Variants in MDM4 observed in about 807,000 individuals in gnomAD.
MDM4 encodes the protein MDM4 regulator of p53, also known as protein Mdm4.
A neutral mutation model predicts 60.2 loss-of-function variants in MDM4; 2 were observed. The observed-to-expected ratio is 0.03, with a 90% confidence interval of 0.01 to 0.10. The LOEUF (loss-of-function observed/expected upper bound fraction) is 0.10, where lower values mean the gene tolerates loss of function less well. Among genes scored for constraint, MDM4 ranks in the 10% least tolerant of loss-of-function variants. The probability of loss-of-function intolerance (pLI) is 1.00; values close to 1 mark genes in which losing one functional copy is unlikely to be tolerated. For missense variants in MDM4, 447 were observed against 577.5 expected (o/e 0.77, Z 2.32); for synonymous variants, 202 against 198.1 (o/e 1.02, Z -0.17).
At chr1:204,528,860 T>C in intron 3 of MDM4, 1 of 1,567,236 alleles carries the variant, frequency 6.4e-7, no homozygotes, top group South Asian at 1.1e-5. Context: ...GCATCCGAGC[T>C]GTCATGGTGA....
chr1:204,532,450 C>A, intron 5 of MDM4: 2 of 570,040 alleles, frequency 3.5e-6, no homozygotes, highest in East Asian at 5.9e-5. Context: ...TTTCCACTTT[C>A]TAGACGTACT....
At chr1:204,541,298 A>G in intron 7 of MDM4, among the ~76,000 whole-genome samples, 1 of 152,100 alleles carries the variant, frequency 6.6e-6, no homozygotes, top group African/African-American at 2.4e-5. Context: ...GTCTCTACAA[A>G]AAATCAGCCC....
intron 3 of MDM4, chr1:204,529,203 CT>C: frequency 1.3e-6 from 1 of 753,606 alleles, no homozygotes; most frequent in Non-Finnish European, 2.4e-6. Context: ...CTGATTAGGT[CT>C]TGTCAAACAT....
chr1:204,532,859 T>C, intron 5 of MDM4: 2 of 1,592,026 alleles, frequency 1.3e-6, no homozygotes, highest in Non-Finnish European at 1.7e-6. Context: ...CTTTACCCTC[T>C]CTATTTTTGG....
intron 5 of MDM4, chr1:204,536,893 C>G (rs1312129025): frequency 2.6e-6 from 1 of 379,754 alleles, no homozygotes; most frequent in Non-Finnish European, 5.1e-6. Context: ...GGAATTTAAA[C>G]CATAAAATTA....
intron 7 of MDM4, among the ~76,000 whole-genome samples, chr1:204,539,430 C>T (rs1661788983): frequency 6.6e-6 from 1 of 151,516 alleles, no homozygotes; most frequent in Admixed American, 6.6e-5. Context: ...TTGTAATGCT[C>T]TTTTAGCAAC....
intron 1 of MDM4, among the ~76,000 whole-genome samples, chr1:204,520,277 C>CAAAAA (rs35340106): frequency 4.6e-5 from 3 of 65,474 alleles, no homozygotes; most frequent in Non-Finnish European, 3.4e-5. Context: ...GACTCCATCT[C>CAAAAA]AAAAAAAAAA....
intron 5 of MDM4, among the ~76,000 whole-genome samples, chr1:204,534,442 T>A (rs1558321958): frequency 1.3e-5 from 2 of 152,254 alleles, no homozygotes; most frequent in African/African-American, 2.4e-5. Flanking sequence ...TTCTTTCTTG[T>A]ACTTTCTCTG....
At chr1:204,526,910 T>C (rs993424176) in intron 3 of MDM4, among the ~76,000 whole-genome samples, 5 of 152,306 alleles carry the variant, frequency 3.3e-5, no homozygotes, top group Non-Finnish European at 7.4e-5. Context: ...AACATCATAT[T>C]TCCTTTCTTT....
chr1:204,518,800 G>T (rs531223851), intron 1 of MDM4, among the ~76,000 whole-genome samples: 6 of 152,306 alleles, frequency 3.9e-5, no homozygotes, highest in African/African-American at 1.4e-4. Context: ...CAAGTAGCTG[G>T]ATTACAGGCG....
chr1:204,528,698 A>C (rs1485307667), intron 3 of MDM4: 2 of 609,082 alleles, frequency 3.3e-6, no homozygotes, highest in East Asian at 5.8e-5. Flanking sequence ...AGGACTCTCA[A>C]CCCTCTTTTG....
Position 204,549,622 on chromosome 1 carries a change from G to C in MDM4, c.1413G>C (p.Gly471=). The change falls in exon 11 of 11, where the codon GGG becomes GGC. Residue 471 remains glycine (G), a synonymous_variant. Transcript: ENST00000367182. The stretch of plus-strand genomic sequence containing the variant: ...GTGCCAGAAGACTAAAGAAGGCTGG[G>C]GCTTCATGCCCTATTTGCAAGAAAG... ...FHCARRLKKA[G]ASCPICKKEI... The C allele has an allele frequency of 6.2e-7, 1 of 1,600,792 alleles. No homozygotes were observed. The highest frequency in any genetic ancestry group is 8.5e-7 in the Non-Finnish European group (1 of 1,176,558).
chr1:204,521,183 A>T (rs11586387), intron 1 of MDM4, among the ~76,000 whole-genome samples: 1,564 of 152,324 alleles, frequency 0.01, 12 homozygotes, highest in Non-Finnish European at 0.017. Flanking sequence ...TGCCTGGTAC[A>T]TAATAGGCTT....
chr1:204,552,766 T>A lies in MDM4; in HGVS notation c.*3084T>A, dbSNP rs538342932. ...CTCTTCCTGCTTGCCCACCGGGGTT[T>A]TTCACTGCTTCTGTTAGCACTAAGT... On this transcript the variant is annotated 3_prime_UTR_variant, in exon 11 of 11. Transcript: ENST00000367182. 5.4e-6 allele frequency: 1 copy of A among 186,392 alleles called. No individual in the cohort carries two copies. The highest frequency in any genetic ancestry group is 1.1e-5 in the Non-Finnish European group (1 of 88,186). 11.5% of individuals were successfully genotyped at this position (186,392 alleles called of 1,614,324 possible). A position where few individuals can be genotyped will look rare whatever the true frequency, so the allele number is the denominator to read the frequency against.
At position 204,554,994 on chromosome 1, in the gene MDM4, G is replaced by T. The variant is rs1335632314; in HGVS notation, c.*5312G>T. ...CCAATAGCCTTTTGAATGACTGAAAGTGTTAACAGAGAAAGAGGCATGTCT... is the reference window on the plus strand; with the variant it reads ...CCAATAGCCTTTTGAATGACTGAAATTGTTAACAGAGAAAGAGGCATGTCT... On this transcript the variant is annotated 3_prime_UTR_variant, in exon 11 of 11. Coordinates refer to ENST00000367182, the MANE Select transcript of MDM4 (RefSeq NM_002393.5). 2 of 219,958 alleles carry T rather than the reference G, an allele frequency of 9.1e-6. No individual in the cohort carries two copies. Among genetic ancestry groups the T allele is most frequent in the African/African-American group, 4.5e-5 (2 of 44,566 alleles). The allele number at this position is 219,958 out of a possible 1,614,324, so 13.6% of individuals were successfully genotyped here. A position where few individuals can be genotyped will look rare whatever the true frequency, so the allele number is the denominator to read the frequency against.
rs924065721 is a variant in MDM4, at chr1:204,557,839, AAGC to A, written c.*8162_*8164del. 4.8e-5 allele frequency: 9 copies of A among 188,496 alleles called. No individual in the cohort carries two copies. Among genetic ancestry groups the A allele is most frequent in the Admixed American group, 1.9e-4 (3 of 16,174 alleles). The allele number at this position is 188,496 out of a possible 1,614,324, so 11.7% of individuals were successfully genotyped here. A position where few individuals can be genotyped will look rare whatever the true frequency, so the allele number is the denominator to read the frequency against. ...AATGTGGTTTCATCAAGTGGGAAGA[AAGC>A]AGCAATTTAAAATAACTTTTTGGGA... is the stretch of plus-strand genomic sequence containing the variant. On this transcript the variant is annotated 3_prime_UTR_variant, in exon 11 of 11. Transcript: ENST00000367182.
intron 7 of MDM4, among the ~76,000 whole-genome samples, chr1:204,538,666 A>G (rs1269720607): frequency 4.1e-5 from 6 of 144,964 alleles, no homozygotes; most frequent in Non-Finnish European, 9.1e-5. Context: ...TAGAATTTTT[A>G]TTTTGATTTA....
chr1:204,529,816 C>T (rs780170069), intron 3 of MDM4: 31 of 279,368 alleles, frequency 1.1e-4, no homozygotes, highest in Middle Eastern at 1.0e-3. Flanking sequence ...TGAGTTTACA[C>T]GATGAGCTTT....
intron 5 of MDM4, among the ~76,000 whole-genome samples, chr1:204,536,118 G>A (rs1352227270): frequency 6.6e-6 from 1 of 152,164 alleles, no homozygotes; most frequent in Non-Finnish European, 1.5e-5. Context: ...AAATTAGTCA[G>A]GCGTGCGCCT....
Sources: gnomAD v4.1 joint callset for allele counts (sites outside exome capture counted in the v4.1 genomes callset) on GRCh38, gnomAD v4.1.1 for gene constraint, MANE v1.5 for transcripts, NCBI Gene and HGNC (gene_info 2026-07-23, HGNC 2026-07-21) for gene names.